Variants in OARD1 observed in about 807,000 individuals in gnomAD.
The protein encoded by OARD1 is ADP-ribose glycohydrolase OARD1.
A neutral mutation model predicts 19.7 loss-of-function variants in OARD1; 19 were observed. The ratio of observed to expected loss-of-function variants is 0.96; its 90% CI spans 0.67 to 1.41. OARD1 has a LOEUF of 1.41. OARD1 is among the 40% of genes most tolerant of loss of function. The probability of loss-of-function intolerance (pLI) is 0.00; values close to 1 mark genes in which losing one functional copy is unlikely to be tolerated. For missense variants in OARD1, 190 were observed against 183.8 expected (o/e 1.03, Z -0.20); for synonymous variants, 70 against 61.8 (o/e 1.13, Z -0.62).
chr6:41,090,120 A>T, intron 1 of OARD1: 5 of 958,934 alleles, frequency 5.2e-6, no homozygotes, highest in Admixed American at 4.4e-5. Flanking sequence ...TCTCAAAAAA[A>T]TAATTTTTTT....
chr6:41,089,776 A>T, intron 1 of OARD1: 1 of 1,573,654 alleles, frequency 6.4e-7, no homozygotes, highest in South Asian at 1.2e-5. Flanking sequence ...ACTGAGTCAG[A>T]TATTTCATGT....
chr6:41,094,622 C>A, intron 1 of OARD1: 1 of 657,086 alleles, frequency 1.5e-6, no homozygotes, highest in South Asian at 1.8e-5. Flanking sequence ...AAACTGGATG[C>A]AATCTTATGT....
rs140170083 is a variant in OARD1, at chr6:41,071,192, C to T, written c.124G>A (p.Ala42Thr). Residue 42 changes from alanine to threonine, a missense_variant, in exon 3 of 6, where the codon GCT (alanine) becomes ACT (threonine). Transcript: ENST00000424266. The part of the protein sequence containing the change: ...HCISEDCRMG[A>T]GIAVLFKKKF... ...TTCTTAAAGAGGACAGCTATCCCAG[C>T]GCCCATGCGACAATCCTCACTGATA... 2.7e-5 allele frequency: 44 copies of T among 1,614,046 alleles called. No homozygotes were observed. The highest frequency in any genetic ancestry group is 1.3e-5 in the African/African-American group (1 of 74,934).
upstream of OARD1, among the ~76,000 whole-genome samples, chr6:41,077,440 C>A (rs1763770411): frequency 6.6e-6 from 1 of 152,194 alleles, no homozygotes; most frequent in Admixed American, 6.5e-5. Context: ...GATCCATTTT[C>A]TGTCTCTAGA....
chr6:41,072,386 G>A (rs1230214160), upstream of OARD1: 3 of 152,364 alleles, frequency 2.0e-5, no homozygotes, highest in African/African-American at 7.2e-5. Context: ...GAAGGGCTCC[G>A]GATCCGACCC....
intron 1 of OARD1, chr6:41,083,978 A>G: frequency 6.9e-7 from 1 of 1,453,830 alleles, no homozygotes; most frequent in Non-Finnish European, 9.2e-7. Context: ...AGTTCCAGTG[A>G]TTGTCTTTTG....
upstream of OARD1, chr6:41,073,087 G>T: frequency 6.5e-6 from 1 of 153,752 alleles, no homozygotes; most frequent in South Asian, 1.9e-4. Context: ...GAGGCACGGT[G>T]AGTGTGAGGA....
chr6:41,076,194 G>A (rs1441729829), upstream of OARD1, among the ~76,000 whole-genome samples: 1 of 152,162 alleles, frequency 6.6e-6, no homozygotes, highest in African/African-American at 2.4e-5. Context: ...AATCCTTTGA[G>A]CTCAGGAGTT....
upstream of OARD1, among the ~76,000 whole-genome samples, chr6:41,074,015 A>C (rs1412577344): frequency 4.0e-5 from 6 of 151,758 alleles, no homozygotes; most frequent in South Asian, 6.2e-4. Flanking sequence ...TTCTTTCCGG[A>C]GGCTGCACAA....
intron 1 of OARD1, among the ~76,000 whole-genome samples, chr6:41,088,457 G>C (rs1212920806): frequency 6.7e-6 from 1 of 149,902 alleles, no homozygotes; most frequent in Non-Finnish European, 1.5e-5. Context: ...TTATTTTATA[G>C]TTTCTGTGAG....
intron 1 of OARD1, chr6:41,090,132 T>C (rs1764161254): frequency 9.5e-7 from 1 of 1,050,668 alleles, no homozygotes; most frequent in African/African-American, 1.6e-5. Flanking sequence ...AATTTTTTTT[T>C]TTAAGGACTA....
At chr6:41,083,801 TGA>T (rs1763971699) in intron 1 of OARD1, among the ~76,000 whole-genome samples, 1 of 152,274 alleles carries the variant, frequency 6.6e-6, no homozygotes, top group African/African-American at 2.4e-5. Flanking sequence ...TTATATCTAT[TGA>T]GACTTCTCAA....
At chr6:41,072,890 A>G (rs531519219), upstream of OARD1, 45 of 153,044 alleles carry the variant, frequency 2.9e-4, 2 homozygotes, top group South Asian at 5.2e-3. Flanking sequence ...CCTGAACTGG[A>G]GTTAGTGGGC....
intron 1 of OARD1, among the ~76,000 whole-genome samples, chr6:41,088,975 T>C (rs1764121846): frequency 6.6e-6 from 1 of 152,284 alleles, no homozygotes; most frequent in South Asian, 2.1e-4. Flanking sequence ...TAAAGCACTT[T>C]AGAGTGTATT....
chr6:41,090,249 G>A (rs1304392952), intron 1 of OARD1: 1 of 1,614,008 alleles, frequency 6.2e-7, no homozygotes. Context: ...GGCACAGACT[G>A]CTGAAGGGCA....
At chr6:41,069,126 C>T in intron 4 of OARD1, 173 bp from the exon 5 acceptor site, 1 of 433,678 alleles carries the variant, frequency 2.3e-6, no homozygotes, top group Non-Finnish European at 4.1e-6. Flanking sequence ...GGGAGACCTT[C>T]AAGAAAATCC....
intron 1 of OARD1, chr6:41,084,206 A>T (rs780702130): frequency 6.2e-7 from 1 of 1,612,896 alleles, no homozygotes; most frequent in Non-Finnish European, 8.5e-7. Flanking sequence ...AGTAATATTT[A>T]AAAATATTGA....
At chr6:41,087,008 T>A (rs1764067013) in intron 1 of OARD1, among the ~76,000 whole-genome samples, 1 of 152,046 alleles carries the variant, frequency 6.6e-6, no homozygotes, top group African/African-American at 2.4e-5. Context: ...CAAATAAAAG[T>A]AAACAAGGTG....
upstream of OARD1, among the ~76,000 whole-genome samples, chr6:41,074,520 G>A (rs1763676541): frequency 6.6e-6 from 1 of 152,222 alleles, no homozygotes; most frequent in Admixed American, 6.5e-5. Context: ...CTTTTGACTG[G>A]CCTTGAAGAA....
Sources: allele counts gnomAD v4.1 joint callset (sites outside exome capture counted in the v4.1 genomes callset), GRCh38; gene constraint gnomAD v4.1.1; transcripts MANE v1.5; gene names NCBI Gene and HGNC (gene_info 2026-07-23, HGNC 2026-07-21).